Variants in RAB37 observed in about 807,000 individuals in gnomAD.
RAB37 encodes the protein RAB37, member RAS oncogene family.
Under a neutral mutation model 33.1 loss-of-function variants are expected in RAB37, and 29 were observed. The observed-to-expected ratio is 0.88, with a 90% CI of 0.65 to 1.20. The LOEUF (loss-of-function observed/expected upper bound fraction) is 1.20, where lower values mean the gene tolerates loss of function less well. Ranked by LOEUF, RAB37 falls within the 50% of genes most tolerant of loss-of-function variation. The pLI is 0.00. For missense variants in RAB37, 299 were observed against 301.1 expected (o/e 0.99, Z 0.05); for synonymous variants, 128 against 119.5 (o/e 1.07, Z -0.47).
upstream of RAB37, chr17:74,736,936 C>A: frequency 6.6e-7 from 1 of 1,510,446 alleles, no homozygotes; most frequent in South Asian, 1.2e-5. Flanking sequence ...AACTCTTCCG[C>A]AGCAGACGGG....
At chr17:74,705,844 C>A (rs1344736592) in intron 1 of RAB37, among the ~76,000 whole-genome samples, 1 of 152,232 alleles carries the variant, frequency 6.6e-6, no homozygotes, top group African/African-American at 2.4e-5. Context: ...ATCCACCCAC[C>A]TCAGCCTCAC....
Position 74,742,104 on chromosome 17 carries a change from C to A in RAB37, c.205-150C>A. 1 of 887,626 alleles carries A rather than the reference C, an allele frequency of 1.1e-6. No homozygotes were observed. Among genetic ancestry groups the A allele is most frequent in the Non-Finnish European group, 1.7e-6 (1 of 577,380 alleles). The allele number at this position is 887,626 out of a possible 1,614,324, so 55.0% of individuals were successfully genotyped here. On this transcript the variant is annotated intron_variant, in intron 2 of 8. Coordinates refer to ENST00000392613, the MANE Select transcript of RAB37 (RefSeq NM_001006638.3). The surrounding 1 kb of genome is among the most constrained non-coding windows in gnomAD (Gnocchi z 4.0). ...GTGGAGGTGTCTGGGTATGGGGTTC[C>A]TGCTGCCCTGATGGTATGATCTGGC...
intron 1 of RAB37, among the ~76,000 whole-genome samples, chr17:74,681,900 G>A (rs1275147828): frequency 6.6e-6 from 1 of 152,170 alleles, no homozygotes. Flanking sequence ...TCCACCACCT[G>A]TCCTGACCAC....
At chr17:74,732,616 G>A (rs2034401261), upstream of RAB37, among the ~76,000 whole-genome samples, 1 of 151,376 alleles carries the variant, frequency 6.6e-6, no homozygotes, top group Non-Finnish European at 1.5e-5. Flanking sequence ...TGTCTGGGGT[G>A]TGATTTGAAG....
At chr17:74,711,915 T>C (rs988814924) in intron 1 of RAB37, among the ~76,000 whole-genome samples, 1 of 149,162 alleles carries the variant, frequency 6.7e-6, no homozygotes, top group Non-Finnish European at 1.5e-5. Flanking sequence ...TCTTTTTTTT[T>C]TTTTTTTGAA....
rs143350384 is a variant in RAB37 at position 74,745,778 on chromosome 17, G to T, written c.*367G>T. ...GTGTTGCTCCAGCTCAGCCCCAGGG[G>T]ACACAGATGCACTTTGGGGGTGAGG... On this transcript the variant is annotated 3_prime_UTR_variant, in exon 9 of 9. Coordinates refer to ENST00000392613, the MANE Select transcript of RAB37 (RefSeq NM_001006638.3). This position sits in a 1 kb window ranked among gnomAD's most constrained non-coding sequence, Gnocchi z 4.5. 6.6e-4 allele frequency: 136 copies of T among 206,386 alleles called. 2 individuals carry two copies. The East Asian group carries it at 0.019, about 28-fold the overall frequency. The allele number at this position is 206,386 out of a possible 1,614,324, so 12.8% of individuals were successfully genotyped here. A position where few individuals can be genotyped will look rare whatever the true frequency, so the allele number is the denominator to read the frequency against.
upstream of RAB37, chr17:74,736,529 G>A: frequency 2.1e-6 from 3 of 1,455,318 alleles, no homozygotes; most frequent in South Asian, 1.4e-5. Flanking sequence ...GAGTGTCATG[G>A]GTTAATAAGG....
intron 1 of RAB37, chr17:74,694,418 C>A (rs1160050377): frequency 6.6e-6 from 1 of 152,162 alleles, no homozygotes; most frequent in Non-Finnish European, 1.5e-5. Context: ...GGGCTGGTTT[C>A]TTTTGGAGGC....
chr17:74,673,119 G>C (rs2031742049), intron 1 of RAB37: 1 of 152,204 alleles, frequency 6.6e-6, no homozygotes, highest in Non-Finnish European at 1.5e-5. Context: ...AAAACTGCAT[G>C]CAAGGCCAGG....
At chr17:74,687,898 G>C (rs1320619846) in intron 1 of RAB37, among the ~76,000 whole-genome samples, 1 of 152,226 alleles carries the variant, frequency 6.6e-6, no homozygotes, top group Non-Finnish European at 1.5e-5. Context: ...ACACACATCA[G>C]TAGATGTTGG....
chr17:74,695,943 C>T, intron 1 of RAB37: 1 of 1,481,680 alleles, frequency 6.7e-7, no homozygotes, highest in Non-Finnish European at 9.2e-7. Flanking sequence ...GGGACGAGAG[C>T]CTCTCCACTT....
chr17:74,698,512 C>A (rs1342132100), intron 1 of RAB37: 1 of 1,588,234 alleles, frequency 6.3e-7, no homozygotes, highest in East Asian at 2.3e-5. Context: ...CCCCTGCATC[C>A]CAGGCTCACC....
intron 1 of RAB37, among the ~76,000 whole-genome samples, chr17:74,716,887 C>T (rs1396715435): frequency 1.3e-5 from 2 of 152,108 alleles, no homozygotes; most frequent in Non-Finnish European, 2.9e-5. Flanking sequence ...TAATCCCAGC[C>T]CTTTGGGAGG....
chr17:74,728,596 T>C (rs111164221), intron 1 of RAB37, among the ~76,000 whole-genome samples: 15 of 151,904 alleles, frequency 9.9e-5, no homozygotes, highest in Non-Finnish European at 2.1e-4. Flanking sequence ...ATGTGTTGTA[T>C]GTGTGTATGT....
upstream of RAB37, among the ~76,000 whole-genome samples, chr17:74,734,945 AAAGAGAGAAAG>A (rs2034445177): frequency 8.6e-6 from 1 of 116,568 alleles, no homozygotes; most frequent in Non-Finnish European, 1.7e-5. Context: ...AGAAAGAAAG[AAAGAGAGAAAG>A]AAGAAAGAAA....
Position 74,743,159 on chromosome 17 carries a change from C to G in RAB37, c.277C>G (p.Arg93Gly). 6.2e-7 allele frequency: 1 copy of G among 1,613,742 alleles called. No homozygotes were observed. Among genetic ancestry groups the G allele is most frequent in the Non-Finnish European group, 8.5e-7 (1 of 1,179,778 alleles). Residue 93 changes from arginine to glycine, a missense_variant, in exon 4 of 9, where the codon CGA becomes GGA. Physicochemically the swap from Arg to Gly is moderately radical, Grantham distance 125. Coordinates refer to ENST00000392613, the MANE Select transcript of RAB37 (RefSeq NM_001006638.3). Reference sequence around the variant, plus strand: ...GGACACCGCTGGGCAGGAACGGTTCCGAAGCGTCACCCATGCTTATTACAG... The same window carrying G: ...GGACACCGCTGGGCAGGAACGGTTCGGAAGCGTCACCCATGCTTATTACAG... The part of the protein sequence containing the change: ...IWDTAGQERF[R>G]SVTHAYYRDA...
chr17:74,698,755 A>G lies in RAB37; in HGVS notation c.72+27097A>G, dbSNP rs1017632657. ...AGAATCAAAAAACTACAAACTACCT[A>G]TTGGGTACTATACCTATTACCTGGG... On this transcript the variant is annotated intron_variant, in intron 1 of 7. Transcript: ENST00000340415. The G allele has an allele frequency of 1.1e-5, 7 of 643,480 alleles. No homozygotes were observed. In the African/African-American group the frequency reaches 1.1e-4, roughly 10 times the overall value. The allele number at this position is 643,480 out of a possible 1,614,324, so 39.9% of individuals were successfully genotyped here. A position where few individuals can be genotyped will look rare whatever the true frequency, so the allele number is the denominator to read the frequency against.
intron 1 of RAB37, among the ~76,000 whole-genome samples, chr17:74,677,171 A>G (rs2031852741): frequency 6.6e-6 from 1 of 152,098 alleles, no homozygotes; most frequent in African/African-American, 2.4e-5. Context: ...AATTAAAATT[A>G]AAAAATAAAA....
chr17:74,698,654 T>C (rs1345248157), intron 1 of RAB37: 13 of 1,440,740 alleles, frequency 9.0e-6, no homozygotes, highest in Non-Finnish European at 1.2e-5. Context: ...TTACAATGAG[T>C]ACACATAGAC....
Sources: gnomAD v4.1 joint callset for allele counts (sites outside exome capture counted in the v4.1 genomes callset) on GRCh38, gnomAD v4.1.1 for gene constraint, Gnocchi (gnomAD v3.1) non-coding constraint, MANE v1.5 for transcripts, NCBI Gene and HGNC (gene_info 2026-07-23, HGNC 2026-07-21) for gene names.